EVA1A: variants seen among roughly 807,000 people sequenced by gnomAD.
EVA1A encodes eva-1 homolog A, regulator of programmed cell death.
EVA1A carries 7 observed loss-of-function variants against 9.8 expected under a neutral mutation model. The observed-to-expected ratio is 0.71, with a 90% CI of 0.41 to 1.34. The LOEUF is 1.34. Among genes scored for constraint, EVA1A ranks in the 40% most tolerant of loss-of-function variants. The pLI is 0.01. For missense variants in EVA1A, 206 were observed against 205.9 expected (o/e 1.00, Z 0.00); for synonymous variants, 90 against 85.6 (o/e 1.05, Z -0.28).
chr2:75,556,987 T>C (rs1676733955), intron 1 of EVA1A, among the ~76,000 whole-genome samples: 1 of 152,154 alleles, frequency 6.6e-6, no homozygotes, highest in Non-Finnish European at 1.5e-5. Flanking sequence ...AGGAGAGTTC[T>C]CACCCTACTC....
At chr2:75,524,957 A>G (rs1675370359) in intron 1 of EVA1A, among the ~76,000 whole-genome samples, 1 of 152,152 alleles carries the variant, frequency 6.6e-6, no homozygotes, top group Non-Finnish European at 1.5e-5. Context: ...ATGTATATAG[A>G]GTGATTACAT....
At chr2:75,540,583 A>G (rs2588495) in intron 1 of EVA1A, among the ~76,000 whole-genome samples, 71,632 of 152,088 alleles carry the variant, frequency 0.47, 17,547 homozygotes, top group Middle Eastern at 0.57. Context: ...TAATTCAAGC[A>G]GCATGTGCAA....
intron 1 of EVA1A, among the ~76,000 whole-genome samples, chr2:75,553,626 G>A (rs1189748448): frequency 3.9e-5 from 6 of 152,110 alleles, no homozygotes; most frequent in African/African-American, 9.7e-5. Context: ...CTGTCTCTGT[G>A]AGCACATTAG....
chr2:75,501,265 A>T (rs1331850431), intron 3 of EVA1A, among the ~76,000 whole-genome samples: 2 of 152,202 alleles, frequency 1.3e-5, no homozygotes, highest in Non-Finnish European at 2.9e-5. Context: ...ACCTTCAATA[A>T]AACTGAGTCT....
chr2:75,568,903 A>T (rs1226281695), intron 1 of EVA1A, among the ~76,000 whole-genome samples: 1 of 152,178 alleles, frequency 6.6e-6, no homozygotes, highest in Non-Finnish European at 1.5e-5. Flanking sequence ...CTATGCTTTC[A>T]CATCTTTGCA....
In EVA1A at chr2:75,511,060, A is replaced by G. The variant is rs112794548; in HGVS notation, c.85+6996T>C. ...ATATTTACTGTCTCACCCTTTAAAG[A>G]AAAAGCTTCCTGACCTCTGATCTAG... On this transcript the variant is annotated intron_variant, in intron 3 of 3. Transcript: ENST00000393913. Among the ~76,000 whole-genome samples, 979 of 152,344 alleles carry G rather than the reference A, an allele frequency of 6.4e-3. 7 individuals carry two copies. The highest frequency in any genetic ancestry group is 0.022 in the African/African-American group (926 of 41,576).
At chr2:75,557,311 T>C (rs778920755) in intron 1 of EVA1A, among the ~76,000 whole-genome samples, 4 of 152,174 alleles carry the variant, frequency 2.6e-5, no homozygotes, top group Non-Finnish European at 4.4e-5. Context: ...TAGTGATCAG[T>C]TGTAACCAAG....
intron 3 of EVA1A, among the ~76,000 whole-genome samples, chr2:75,515,756 G>A (rs1471917722): frequency 3.9e-5 from 6 of 152,064 alleles, no homozygotes; most frequent in African/African-American, 1.2e-4. Flanking sequence ...AAAGTCAGCC[G>A]TCTTCCTAAA....
chr2:75,539,693 G>T (rs1307286845), intron 1 of EVA1A, among the ~76,000 whole-genome samples: 2 of 152,006 alleles, frequency 1.3e-5, no homozygotes, highest in Non-Finnish European at 2.9e-5. Context: ...ATATAACCTT[G>T]CATACTTACT....
intron 1 of EVA1A, among the ~76,000 whole-genome samples, chr2:75,526,811 T>C (rs1675458864): frequency 6.6e-6 from 1 of 152,234 alleles, no homozygotes; most frequent in South Asian, 2.1e-4. Context: ...CTTTATTTTA[T>C]GGACAGTAAA....
At chr2:75,514,677 C>T (rs938251044) in intron 3 of EVA1A, among the ~76,000 whole-genome samples, 14 of 151,976 alleles carry the variant, frequency 9.2e-5, no homozygotes, top group African/African-American at 2.9e-4. Context: ...CTTTATTTAC[C>T]TAGTAGCATG....
intron 1 of EVA1A, among the ~76,000 whole-genome samples, chr2:75,548,865 C>T (rs1156581838): frequency 2.0e-5 from 3 of 151,732 alleles, no homozygotes; most frequent in Non-Finnish European, 1.5e-5. Context: ...TAACTGTGAG[C>T]CCCCAGAAGG....
At chr2:75,530,116 A>T (rs116149757) in intron 1 of EVA1A, among the ~76,000 whole-genome samples, 3,648 of 152,256 alleles carry the variant, frequency 0.024, 135 homozygotes, top group African/African-American at 0.084. Flanking sequence ...GGCTACTATG[A>T]ACACCTTTAT....
At chr2:75,568,655 C>T (rs968165506) in intron 1 of EVA1A, among the ~76,000 whole-genome samples, 1 of 152,148 alleles carries the variant, frequency 6.6e-6, no homozygotes, top group Non-Finnish European at 1.5e-5. Flanking sequence ...TTATATTGTT[C>T]TATGCCTTTG....
At chr2:75,537,313 T>C (rs545354800) in intron 1 of EVA1A, among the ~76,000 whole-genome samples, 1 of 152,328 alleles carries the variant, frequency 6.6e-6, no homozygotes, top group African/African-American at 2.4e-5. Flanking sequence ...GGGAATTGCC[T>C]CAACTTGATA....
chr2:75,503,541 A>G (rs1674506334), intron 3 of EVA1A, among the ~76,000 whole-genome samples: 1 of 152,224 alleles, frequency 6.6e-6, no homozygotes, highest in Non-Finnish European at 1.5e-5. Context: ...AGGATAGGGC[A>G]GCAGCAGCCA....
intron 1 of EVA1A, among the ~76,000 whole-genome samples, chr2:75,548,139 T>G (rs891046889): frequency 6.6e-6 from 1 of 152,216 alleles, no homozygotes; most frequent in Non-Finnish European, 1.5e-5. Flanking sequence ...TCTCTTTTAT[T>G]TATTTATTTT....
At chr2:75,557,903 T>A (rs1676775184) in intron 1 of EVA1A, among the ~76,000 whole-genome samples, 1 of 152,264 alleles carries the variant, frequency 6.6e-6, no homozygotes, top group Admixed American at 6.5e-5. Context: ...AGGCTCTCAT[T>A]AATGCACTTA....
intron 1 of EVA1A, among the ~76,000 whole-genome samples, chr2:75,548,662 T>C (rs1676412427): frequency 6.6e-6 from 1 of 152,148 alleles, no homozygotes; most frequent in African/African-American, 2.4e-5. Context: ...CCCTGTGACA[T>C]CCCTTCAATA....
Sources: allele counts gnomAD v4.1 joint callset (sites outside exome capture counted in the v4.1 genomes callset), GRCh38; gene constraint gnomAD v4.1.1; transcripts MANE v1.5; gene names NCBI Gene and HGNC (gene_info 2026-07-23, HGNC 2026-07-21).